RAPGEF6: variants seen among roughly 807,000 people sequenced by gnomAD.
RAPGEF6 encodes PDZ domain containing guanine nucleotide exchange factor (GEF) 2.
Under a neutral mutation model 171.4 loss-of-function variants are expected in RAPGEF6, and 56 were observed. The ratio of observed to expected loss-of-function variants is 0.33; its 90% CI spans 0.26 to 0.41. The LOEUF (loss-of-function observed/expected upper bound fraction) is 0.41, where lower values mean the gene tolerates loss of function less well. Among genes scored for constraint, RAPGEF6 ranks in the 10% least tolerant of loss-of-function variants. The pLI, the probability that RAPGEF6 is intolerant of heterozygous loss-of-function variation, is 1.00. For missense variants in RAPGEF6, 1,674 were observed against 1,921.4 expected, an observed-to-expected ratio of 0.87 and a Z score of 2.41; for synonymous variants, 692 against 650.1, an observed-to-expected ratio of 1.06 and a Z score of -0.98.
chr5:131,445,493 C>CTCTCTGTGTGTGTGTGTGTGTGTGTG (rs1554070849), intron 22 of RAPGEF6, among the ~76,000 whole-genome samples: 1 of 147,224 alleles, frequency 6.8e-6, no homozygotes, highest in African/African-American at 2.5e-5. Context: ...AACTCACTCT[C>CTCTCTGTGTGTGTGTGTGTGTGTGTG]TGTGTGTGTG....
chr5:131,623,638 A>G (rs955322608), intron 1 of RAPGEF6, among the ~76,000 whole-genome samples: 1 of 151,938 alleles, frequency 6.6e-6, no homozygotes, highest in Admixed American at 6.6e-5. Flanking sequence ...GGCATGCACC[A>G]CCACGCCCGG....
chr5:131,512,793 T>C (rs1757824388), intron 7 of RAPGEF6, among the ~76,000 whole-genome samples: 1 of 152,170 alleles, frequency 6.6e-6, no homozygotes, highest in African/African-American at 2.4e-5. Context: ...GGGATTAGTA[T>C]ATAAGAAGCC....
chr5:131,472,575 T>C lies in RAPGEF6; in HGVS notation c.2239+12A>G, dbSNP rs1206893982. The C allele has an allele frequency of 1.2e-6, 2 of 1,610,228 alleles. No individual in the cohort carries two copies. The highest frequency in any genetic ancestry group is 2.7e-5 in the African/African-American group (2 of 74,806). ...ACCAATACGGCAATATAAAATCACA[T>C]ATGAAAATTACCTGAAGGATTGGAA... On this transcript the variant is annotated intron_variant, in intron 17 of 27. Transcript: ENST00000509018.
intron 6 of RAPGEF6, chr5:131,532,246 C>A: frequency 2.6e-6 from 1 of 379,174 alleles, no homozygotes; most frequent in Non-Finnish European, 5.1e-6. Context: ...TTTTACAAAT[C>A]ATACACCACT....
rs375209713 is a variant in RAPGEF6 at position 131,615,904 on chromosome 5, T to TA, written c.70-11212dup. 6.3e-3 allele frequency among the ~76,000 whole-genome samples: 907 copies of TA among 143,734 alleles called. 4 individuals are homozygous for TA. The highest frequency in any genetic ancestry group is 0.021 in the African/African-American group (815 of 39,298). The allele number at this position is 143,734 out of a possible 152,430, so 94.3% of individuals were successfully genotyped here. A position where few individuals can be genotyped will look rare whatever the true frequency, so the allele number is the denominator to read the frequency against. ...CAACAGAGCAAAACCCTGTCTCAAT[T>TA]AAAAAAAAAAAGAGGGAAGTCATGA... On this transcript the variant is annotated intron_variant, in intron 1 of 27. Transcript: ENST00000509018.
chr5:131,518,060 C>T (rs1758215919), intron 7 of RAPGEF6, among the ~76,000 whole-genome samples: 1 of 151,792 alleles, frequency 6.6e-6, no homozygotes. Context: ...CCCACAAACC[C>T]ACCACTAGTA....
intron 4 of RAPGEF6, among the ~76,000 whole-genome samples, chr5:131,582,821 A>T (rs935213006): frequency 1.3e-5 from 2 of 152,260 alleles, no homozygotes; most frequent in African/African-American, 4.8e-5. Flanking sequence ...AAAGATATGA[A>T]TTCTCATAGA....
rs918039508 is a variant in RAPGEF6 at position 131,481,789 on chromosome 5, C to T, written c.1841-2036G>A. Among the ~76,000 whole-genome samples, 8 of 152,196 alleles carry T rather than the reference C, an allele frequency of 5.3e-5. No homozygotes were observed. In the South Asian group the frequency reaches 6.2e-4, roughly 12 times the overall value. ...AGTGGTTGCATATTCTTAGAATAGACTTAAATGGCTTCAGCTGCATGAGCT... is the reference window on the plus strand; with the variant it reads ...AGTGGTTGCATATTCTTAGAATAGATTTAAATGGCTTCAGCTGCATGAGCT... On this transcript the variant is annotated intron_variant, in intron 15 of 27. Transcript: ENST00000509018.
chr5:131,546,552 T>C (rs1489769465), intron 6 of RAPGEF6, among the ~76,000 whole-genome samples: 5 of 151,244 alleles, frequency 3.3e-5, no homozygotes, highest in East Asian at 1.9e-4. Context: ...TGCAGTAAGC[T>C]GAGATCGTGC....
intron 4 of RAPGEF6, among the ~76,000 whole-genome samples, chr5:131,581,804 A>G (rs568553868): frequency 4.4e-4 from 67 of 152,272 alleles, no homozygotes; most frequent in Non-Finnish European, 9.4e-4. Context: ...CCATCCTTGC[A>G]AATGTACTTT....
Position 131,461,715 on chromosome 5 carries a change from C to T in RAPGEF6, c.2854G>A (p.Ala952Thr). ...TTTGTACCAACTTACCTTATTATTG[C>T]AAACATGGAATTGAAGTTCTTACAT... The part of the protein sequence containing the change: ...RECKNFNSMF[A>T]IISGLNLASV... Residue 952 changes from alanine to threonine, a missense_variant, in exon 19 of 28, where the codon GCA becomes ACA. By Grantham distance (58) the Ala-to-Thr change is moderately conservative. This residue lies in a region of RAPGEF6 where 1,116 missense variants were observed against 1,321.5 expected (regional missense o/e 0.84). Coordinates refer to ENST00000509018, the MANE Select transcript of RAPGEF6 (RefSeq NM_016340.6). The T allele has an allele frequency of 6.3e-7, 1 of 1,595,742 alleles. No homozygotes were observed. The highest frequency in any genetic ancestry group is 1.1e-5 in the South Asian group (1 of 90,224).
chr5:131,634,101 C>T (rs1312732290), intron 1 of RAPGEF6, among the ~76,000 whole-genome samples: 3 of 152,212 alleles, frequency 2.0e-5, no homozygotes, highest in African/African-American at 7.2e-5. Flanking sequence ...ATCTGAAAAA[C>T]TCCAAAGTGA....
chr5:131,616,002 C>G (rs994834556), intron 1 of RAPGEF6, among the ~76,000 whole-genome samples: 2 of 151,990 alleles, frequency 1.3e-5, no homozygotes, highest in African/African-American at 4.8e-5. Context: ...AGCACTAGTT[C>G]TGTAACTGCA....
intron 4 of RAPGEF6, among the ~76,000 whole-genome samples, chr5:131,563,731 C>T (rs1266243391): frequency 6.6e-6 from 1 of 152,130 alleles, no homozygotes; most frequent in African/African-American, 2.4e-5. Context: ...TCTTGAACTC[C>T]TGGGCTCAAG....
At chr5:131,632,374 A>G (rs1454242558) in intron 1 of RAPGEF6, among the ~76,000 whole-genome samples, 1 of 152,188 alleles carries the variant, frequency 6.6e-6, no homozygotes, top group Non-Finnish European at 1.5e-5. Flanking sequence ...TAATGCCATC[A>G]CATGCATCAA....
intron 18 of RAPGEF6, among the ~76,000 whole-genome samples, chr5:131,462,875 T>A (rs201335531): frequency 1.1e-5 from 1 of 93,358 alleles, no homozygotes; most frequent in Non-Finnish European, 2.3e-5. Context: ...GTCAAGAAAC[T>A]CTTTTTTCTG....
intron 6 of RAPGEF6, among the ~76,000 whole-genome samples, chr5:131,528,278 TA>T (rs1268382356): frequency 8.6e-5 from 10 of 116,592 alleles, no homozygotes; most frequent in African/African-American, 3.9e-4. Flanking sequence ...ATTTATATTA[TA>T]TATATATAAA....
intron 6 of RAPGEF6, among the ~76,000 whole-genome samples, chr5:131,528,276 T>TAC (rs1491446487): frequency 1.7e-5 from 2 of 117,634 alleles, no homozygotes; most frequent in Non-Finnish European, 3.2e-5. Flanking sequence ...ATATTTATAT[T>TAC]ATATATATAT....
chr5:131,580,906 T>A (rs762529673), intron 4 of RAPGEF6, among the ~76,000 whole-genome samples: 9 of 152,120 alleles, frequency 5.9e-5, no homozygotes, highest in Non-Finnish European at 1.2e-4. Flanking sequence ...AGCTTGCAGA[T>A]GGGAATGAAC....
Sources: allele counts gnomAD v4.1 joint callset (sites outside exome capture counted in the v4.1 genomes callset), GRCh38; gene constraint gnomAD v4.1.1; regional missense constraint gnomAD v4.1.1; transcripts MANE v1.5; gene names NCBI Gene and HGNC (gene_info 2026-07-23, HGNC 2026-07-21).